RAB6A: variants seen among roughly 807,000 people sequenced by gnomAD.
RAB6A encodes RAB6A, member RAS oncogene family, also known as ras-related protein Rab-6A.
In RAB6A, 8 loss-of-function variants were observed where a neutral mutation model predicts 32.3. That is an observed-to-expected ratio of 0.25 (90% CI 0.15 to 0.45). The LOEUF (loss-of-function observed/expected upper bound fraction) is 0.45, where lower values mean the gene tolerates loss of function less well. RAB6A is among the 20% of genes least tolerant of loss of function. RAB6A has a pLI of 1.00. For missense variants in RAB6A, 104 were observed against 249.4 expected (o/e 0.42, Z 3.93); for synonymous variants, 73 against 82.1 (o/e 0.89, Z 0.60).
chr11:73,714,974 A>C (rs961701233), intron 5 of RAB6A, among the ~76,000 whole-genome samples: 2 of 152,330 alleles, frequency 1.3e-5, no homozygotes, highest in Admixed American at 1.3e-4. Flanking sequence ...CCAAAAAAAG[A>C]AAAGTACCTA....
At position 73,679,629 on chromosome 11, in the gene RAB6A, A is replaced by T. The variant is rs764143932; in HGVS notation, c.562+25T>A. 3.7e-6 allele frequency: 6 copies of T among 1,613,282 alleles called. No homozygotes were observed. In the South Asian group the frequency reaches 4.4e-5, roughly 12 times the overall value. On this transcript the variant is annotated intron_variant, in intron 7 of 7. Transcript: ENST00000336083. Reference sequence around the variant, plus strand: ...TAAAGACTAGTGTTAATAATGAAAAATTTCCAATGAAATAAAAAGGATACT... The same window carrying T: ...TAAAGACTAGTGTTAATAATGAAAATTTTCCAATGAAATAAAAAGGATACT...
intron 6 of RAB6A, among the ~76,000 whole-genome samples, chr11:73,680,546 G>C (rs931543863): frequency 6.6e-6 from 1 of 152,032 alleles, no homozygotes; most frequent in Admixed American, 6.5e-5. Flanking sequence ...CAGCTACTTG[G>C]GAGACTGAGG....
chr11:73,700,599 A>AGG (rs1945725711), intron 6 of RAB6A, among the ~76,000 whole-genome samples: 4 of 8,440 alleles, frequency 4.7e-4, no homozygotes, highest in Admixed American at 2.0e-3. Flanking sequence ...AAAAAAAAAA[A>AGG]GTGTGTGTGT....
chr11:73,721,180 C>T (rs570850164), intron 2 of RAB6A, among the ~76,000 whole-genome samples: 1 of 152,274 alleles, frequency 6.6e-6, no homozygotes, highest in East Asian at 1.9e-4. Context: ...CTACTTTTCT[C>T]ATTTTACAAA....
intron 6 of RAB6A, among the ~76,000 whole-genome samples, chr11:73,688,184 A>C (rs984509821): frequency 2.6e-5 from 4 of 152,212 alleles, no homozygotes; most frequent in Non-Finnish European, 5.9e-5. Context: ...ATTCTTTGTC[A>C]AATTTTCACT....
At chr11:73,707,133 A>AG (rs1465620592) in intron 6 of RAB6A, among the ~76,000 whole-genome samples, 1 of 151,552 alleles carries the variant, frequency 6.6e-6, no homozygotes, top group Non-Finnish European at 1.5e-5. Context: ...AAGAAAAAAA[A>AG]AAAAAAAAAG....
At chr11:73,742,473 A>G (rs1424380955) in intron 1 of RAB6A, among the ~76,000 whole-genome samples, 1 of 152,104 alleles carries the variant, frequency 6.6e-6, no homozygotes, top group Non-Finnish European at 1.5e-5. Context: ...AGCTGCAGAT[A>G]AGAAAGATAC....
intron 4 of RAB6A, among the ~76,000 whole-genome samples, chr11:73,717,109 T>G (rs1358280174): frequency 6.6e-6 from 1 of 152,214 alleles, no homozygotes; most frequent in Non-Finnish European, 1.5e-5. Context: ...CCTCTTTTTT[T>G]TAAACAAACA....
chr11:73,748,539 C>T lies in RAB6A; in HGVS notation c.70+12027G>A, dbSNP rs117733781. On this transcript the variant is annotated intron_variant, in intron 1 of 7. Transcript: ENST00000336083. ...AAAAATAAATAGACACATAAAATAA[C>T]CCACTTTGGTACAGAGGTTGGGAAT... Among the ~76,000 whole-genome samples the T allele has an allele frequency of 9.2e-3, 1,399 of 152,090 alleles. 12 individuals are homozygous for T. Among genetic ancestry groups the T allele is most frequent in the Non-Finnish European group, 0.014 (966 of 67,994 alleles).
chr11:73,760,570 T>C lies in RAB6A; in HGVS notation c.66A>G (p.Gln22=), dbSNP rs1247120351. 3.1e-6 allele frequency: 5 copies of C among 1,608,328 alleles called. No individual in the cohort carries two copies. Among genetic ancestry groups the C allele is most frequent in the South Asian group, 1.1e-5 (1 of 89,942 alleles). ...RKFKLVFLGE[Q]SVGKTSLITR... Reference sequence around the variant, plus strand: ...GTAGGGGAGCCACGCACTCACCGCTTTGCTCCCCCAGGAACACCAGCTTGA... The same window carrying C: ...GTAGGGGAGCCACGCACTCACCGCTCTGCTCCCCCAGGAACACCAGCTTGA... Residue 22 remains glutamine, a synonymous_variant, in exon 1 of 8, where the codon CAA becomes CAG. Transcript: ENST00000336083.
intron 1 of RAB6A, among the ~76,000 whole-genome samples, chr11:73,751,211 C>A (rs1428039784): frequency 1.3e-5 from 2 of 152,072 alleles, no homozygotes; most frequent in African/African-American, 2.4e-5. Flanking sequence ...GCCAGGAGTT[C>A]CGGGCTGTAG....
At chr11:73,723,302 TTTATTTTAC>T (rs1946170305) in intron 2 of RAB6A, among the ~76,000 whole-genome samples, 1 of 151,698 alleles carries the variant, frequency 6.6e-6, no homozygotes, top group Non-Finnish European at 1.5e-5. Flanking sequence ...AAAAGAAAGA[TTTATTTTAC>T]TTATTTTATT....
chr11:73,737,994 C>CAAAAAA (rs57456237), intron 1 of RAB6A, among the ~76,000 whole-genome samples: 2 of 99,728 alleles, frequency 2.0e-5, no homozygotes, highest in Non-Finnish European at 3.7e-5. Flanking sequence ...GACTCCATCT[C>CAAAAAA]AAAAAAAAAA....
At chr11:73,685,125 G>C (rs1259090098) in intron 6 of RAB6A, among the ~76,000 whole-genome samples, 3 of 152,208 alleles carry the variant, frequency 2.0e-5, no homozygotes, top group African/African-American at 7.2e-5. Context: ...TGGGCCCTAG[G>C]TAGGCCACTT....
chr11:73,720,801 A>C (rs370008741), intron 3 of RAB6A, 45 bp downstream of exon 3: 1 of 1,436,182 alleles, frequency 7.0e-7, no homozygotes, highest in Admixed American at 1.8e-5. Flanking sequence ...GCAGTTTTCT[A>C]ACCTGGAATG....
At chr11:73,678,499 C>T (rs989544159) in intron 7 of RAB6A, among the ~76,000 whole-genome samples, 1 of 151,806 alleles carries the variant, frequency 6.6e-6, no homozygotes, top group Admixed American at 6.6e-5. Flanking sequence ...TGCCTGTATT[C>T]CCAGCTACTT....
intron 1 of RAB6A, among the ~76,000 whole-genome samples, chr11:73,754,380 C>T (rs1247367708): frequency 6.6e-6 from 1 of 152,186 alleles, no homozygotes; most frequent in African/African-American, 2.4e-5. Context: ...TCCTGGATGT[C>T]AAAACCATTT....
Position 73,677,898 on chromosome 11 carries a change from T to C in RAB6A, c.627A>G (p.Ter209=). Residue 209 remains the stop codon, a stop_retained_variant, in exon 8 of 8, where the codon TAA becomes TAG. Transcript: ENST00000336083. ...AGAAGGTTGAAGATGACATGGGAGA[T>C]TAGCAGGAACAGCCTCCTTCACTGA... The part of the protein sequence containing the change: ...QPVSEGGCSC[*] 1 of 1,614,140 alleles carries C rather than the reference T, an allele frequency of 6.2e-7. No individual in the cohort carries two copies.
chr11:73,683,332 T>C (rs970545655), intron 6 of RAB6A, among the ~76,000 whole-genome samples: 1 of 143,332 alleles, frequency 7.0e-6, no homozygotes, highest in Non-Finnish European at 1.5e-5. Context: ...CATGGCTCCC[T>C]GAGGTCTCGA....
Sources: gnomAD v4.1 joint callset for allele counts (sites outside exome capture counted in the v4.1 genomes callset) on GRCh38, gnomAD v4.1.1 for gene constraint, MANE v1.5 for transcripts, NCBI Gene and HGNC (gene_info 2026-07-23, HGNC 2026-07-21) for gene names.